Variants in SHOX observed in about 807,000 individuals in gnomAD.
SHOX encodes the protein SHOX homeobox.
A neutral mutation model predicts 29.6 loss-of-function variants in SHOX; 12 were observed. The observed-to-expected ratio is 0.41, with a 90% CI of 0.26 to 0.66. SHOX has a LOEUF of 0.66. Ranked by LOEUF, SHOX falls within the 30% of genes least tolerant of loss-of-function variation. SHOX has a pLI of 0.35. For synonymous variants in SHOX, 214 were observed against 200.6 expected (o/e 1.07, Z -0.57); for missense variants, 499 against 437.7 (o/e 1.14, Z -1.25).
chrX:652,147 A>T (rs1287437043), downstream of SHOX, among the ~76,000 whole-genome samples: 1 of 151,218 alleles, frequency 6.6e-6, no homozygotes, highest in African/African-American at 2.4e-5. Context: ...CTGGTCTCGA[A>T]CTCCTGACCT....
Position 648,678 on chromosome X carries a change from G to A in SHOX, c.*4042G>A, listed in dbSNP as rs893499909. Among the ~76,000 whole-genome samples, 3 of 152,232 alleles carry A rather than the reference G, an allele frequency of 2.0e-5. No homozygotes were observed. The highest frequency in any genetic ancestry group is 7.2e-5 in the African/African-American group (3 of 41,472). On this transcript the variant is annotated 3_prime_UTR_variant, in exon 5 of 5. Coordinates refer to ENST00000686671, the MANE Select transcript of SHOX (RefSeq NM_000451.4). ...GCAGAGAACTGTGAGGGTGGGACAC[G>A]AGTGTCTGTGGACACTGGCTGCCTT... is the stretch of plus-strand genomic sequence containing the variant.
chrX:644,601 A>G lies in SHOX; in HGVS notation c.844A>G (p.Lys282Glu). 6.6e-7 allele frequency: 1 copy of G among 1,509,962 alleles called. No homozygotes were observed. The highest frequency in any genetic ancestry group is 8.8e-7 in the Non-Finnish European group (1 of 1,136,018). 93.5% of individuals were successfully genotyped at this position (1,509,962 alleles called of 1,614,324 possible). ...KNSSIADLRL[K>E]ARKHAEALGL ...TTCCAGCATCGCCGACCTGCGGCTC[A>G]AGGCGCGGAAGCACGCGGAGGCCCT... The change falls in exon 5 of 5, where the codon AAG (lysine) becomes GAG (glutamate). Residue 282 changes from lysine (K) to glutamate (E), a missense_variant. Physicochemically the swap from Lys to Glu is moderately conservative, Grantham distance 56 (BLOSUM62 1). Transcript: ENST00000686671.
At chrX:630,660 TG>T (rs1452629370), upstream of SHOX, 6 of 577,236 alleles carry the variant, frequency 1.0e-5, no homozygotes, top group African/African-American at 1.0e-4. Context: ...GCCTGGGGGG[TG>T]GGGGAGACAC....
Position 631,021 on chromosome X carries a change from G to A in SHOX, c.124G>A (p.Gly42Arg), listed in dbSNP as rs1443811290. ...SITYREVLES[G>R]LARSRELGTS... ...TACGTACCGGGAAGTTTTGGAGAGC[G>A]GACTGGCGCGCTCCCGGGAGCTGGG... The change falls in exon 1 of 5, where the codon GGA becomes AGA. Residue 42 changes from glycine to arginine, a missense_variant. Gly to Arg is a moderately radical substitution (Grantham distance 125, BLOSUM62 -2). Coordinates refer to ENST00000686671, the MANE Select transcript of SHOX (RefSeq NM_000451.4). The A allele has an allele frequency of 3.1e-6, 5 of 1,613,760 alleles. No homozygotes were observed. Among genetic ancestry groups the A allele is most frequent in the Non-Finnish European group, 3.4e-6 (4 of 1,179,874 alleles).
chrX:633,742 G>C (rs2052689072), intron 1 of SHOX, among the ~76,000 whole-genome samples: 1 of 152,132 alleles, frequency 6.6e-6, no homozygotes, highest in Non-Finnish European at 1.5e-5. Context: ...GATAGGAACA[G>C]AGGGGCGTTG....
At position 651,376 on chromosome X, in the gene SHOX, G is replaced by A. The variant is rs1259052493; in HGVS notation, c.*6740G>A. The A allele has an allele frequency of 2.2e-6, 1 of 453,960 alleles. No individual in the cohort carries two copies. Among genetic ancestry groups the A allele is most frequent in the Non-Finnish European group, 4.4e-6 (1 of 226,530 alleles). 28.1% of individuals were successfully genotyped at this position (453,960 alleles called of 1,614,324 possible). On this transcript the variant is annotated 3_prime_UTR_variant, in exon 5 of 5. Coordinates refer to ENST00000686671, the MANE Select transcript of SHOX (RefSeq NM_000451.4). ...TCTATCCCTCTGTTATTGTCGGCAGGCGGTGAGGGGTAGAAAAAAAACAAA... is the reference window on the plus strand; with the variant it reads ...TCTATCCCTCTGTTATTGTCGGCAGACGGTGAGGGGTAGAAAAAAAACAAA...
chrX:628,505 G>C (rs1407062671), upstream of SHOX, among the ~76,000 whole-genome samples: 1 of 81,468 alleles, frequency 1.2e-5, no homozygotes, highest in Non-Finnish European at 2.6e-5. Flanking sequence ...ATCTCTCTCT[G>C]TCTCTCCCTG....
At chrX:652,628 G>A (rs1355938669), downstream of SHOX, among the ~76,000 whole-genome samples, 3 of 152,084 alleles carry the variant, frequency 2.0e-5, no homozygotes, top group South Asian at 2.1e-4. Flanking sequence ...TGTACCGTCC[G>A]TTCTTCCTGC....
intron 1 of SHOX, among the ~76,000 whole-genome samples, chrX:632,335 C>T (rs1254341599): frequency 6.6e-6 from 1 of 152,196 alleles, no homozygotes; most frequent in African/African-American, 2.4e-5. Context: ...AGGGGCTGGC[C>T]CCGGGGATCT....
downstream of SHOX, among the ~76,000 whole-genome samples, chrX:656,046 C>T (rs1469233508): frequency 1.4e-5 from 2 of 145,950 alleles, no homozygotes; most frequent in Non-Finnish European, 3.0e-5. Context: ...GATGTGGTGA[C>T]TCATGCCTGT....
chrX:642,626 TGCCGACG>T (rs1256274992), intron 4 of SHOX, among the ~76,000 whole-genome samples: 1 of 152,120 alleles, frequency 6.6e-6, no homozygotes, highest in Non-Finnish European at 1.5e-5. Flanking sequence ...TACCGTCTTT[TGCCGACG>T]GCGGGACCCA....
rs1336983018 is a variant in SHOX at position 650,773 on chromosome X, C to T, written c.*6137C>T. ...GAGGTCTGGGGAGGAGAGAGGCTTT[C>T]GGTGGACACGTTTGACATTAAAAAA... On this transcript the variant is annotated 3_prime_UTR_variant, in exon 5 of 5. Transcript: ENST00000686671. Among the ~76,000 whole-genome samples, 3 of 108,772 alleles carry T rather than the reference C, an allele frequency of 2.8e-5. No homozygotes were observed. Among genetic ancestry groups the T allele is most frequent in the African/African-American group, 3.7e-5 (1 of 26,732 alleles). 71.4% of individuals were successfully genotyped at this position (108,772 alleles called of 152,430 possible).
At chrX:651,691 AGT>A (rs1437415707), downstream of SHOX, among the ~76,000 whole-genome samples, 7 of 148,456 alleles carry the variant, frequency 4.7e-5, no homozygotes, top group Non-Finnish European at 8.9e-5. Flanking sequence ...CTGAACACAG[AGT>A]GTTGTTCTGC....
upstream of SHOX, among the ~76,000 whole-genome samples, chrX:629,323 C>G (rs2052604771): frequency 6.6e-6 from 1 of 151,722 alleles, no homozygotes; most frequent in African/African-American, 2.4e-5. Context: ...CTCCATCTCT[C>G]TCTGTCTCTC....
In SHOX at chrX:645,903, T is replaced by C. The variant is rs1162597826; in HGVS notation, c.*1267T>C. The C allele has an allele frequency of 6.6e-6, 1 of 152,186 alleles. No homozygotes were observed. The highest frequency in any genetic ancestry group is 1.5e-5 in the Non-Finnish European group (1 of 68,056). The allele number at this position is 152,186 out of a possible 1,614,324, so 9.4% of individuals were successfully genotyped here. A position where few individuals can be genotyped will look rare whatever the true frequency, so the allele number is the denominator to read the frequency against. On this transcript the variant is annotated 3_prime_UTR_variant, in exon 5 of 5. Transcript: ENST00000686671. ...TTCCCCCAGTTCTTTTATTTCTTTG[T>C]TTTTTATTTTTGAGACAGAGACTTG...
At chrX:636,020 T>A (rs991851796) in intron 2 of SHOX, among the ~76,000 whole-genome samples, 1 of 152,014 alleles carries the variant, frequency 6.6e-6, no homozygotes, top group African/African-American at 2.4e-5. Context: ...CCCGTAGGAC[T>A]GGTTATGAGG....
chrX:651,641 GAA>G (rs553983413), downstream of SHOX, among the ~76,000 whole-genome samples: 4,623 of 107,484 alleles, frequency 0.043, 256 homozygotes, highest in South Asian at 0.13. Context: ...AGGCTTATTG[GAA>G]AAAAAAAAAA....
intron 1 of SHOX, among the ~76,000 whole-genome samples, chrX:624,891 TTTC>T (rs1569491682): frequency 1.9e-4 from 14 of 75,674 alleles, no homozygotes; most frequent in African/African-American, 9.2e-4. Flanking sequence ...TCTTTCTTTC[TTTC>T]TTTCTTTCTC....
Position 644,702 on chromosome X carries a change from C to CCTGCACTCAACCCCGCCTGGAGCT in SHOX, c.*68_*91dup. ...CGCGCACCCCGCCTGCACCGCGCGTCCTGCACTCAACCCCGCCTGGAGCTC... is the reference window on the plus strand; with the variant it reads ...CGCGCACCCCGCCTGCACCGCGCGTCCTGCACTCAACCCCGCCTGGAGCTCTGCACTCAACCCCGCCTGGAGCTC... On this transcript the variant is annotated 3_prime_UTR_variant, in exon 5 of 5. Coordinates refer to ENST00000686671, the MANE Select transcript of SHOX (RefSeq NM_000451.4). 1 of 1,361,544 alleles carries CCTGCACTCAACCCCGCCTGGAGCT rather than the reference C, an allele frequency of 7.3e-7. No homozygotes were observed. 84.3% of individuals were successfully genotyped at this position (1,361,544 alleles called of 1,614,324 possible).
Sources: gnomAD v4.1 joint callset for allele counts (sites outside exome capture counted in the v4.1 genomes callset) on GRCh38, gnomAD v4.1.1 for gene constraint, MANE v1.5 for transcripts, NCBI Gene and HGNC (gene_info 2026-07-23, HGNC 2026-07-21) for gene names.